The following CFAP54 variants were observed in gnomAD, a reference collection of about 807,000 sequenced individuals.
CFAP54 encodes cilia- and flagella-associated protein 54.
CFAP54 carries 290 observed loss-of-function variants against 370.4 expected under a neutral mutation model. The ratio of observed to expected loss-of-function variants is 0.78; its 90% CI spans 0.71 to 0.86. The LOEUF (loss-of-function observed/expected upper bound fraction) is 0.86. Among genes scored for constraint, CFAP54 ranks in the 40% least tolerant of loss-of-function variants. CFAP54 has a pLI of 0.00. For synonymous variants in CFAP54, 1,206 were observed against 1,236.5 expected (o/e 0.98, Z 0.52); for missense variants, 3,399 against 3,528.7 (o/e 0.96, Z 0.93).
intron 50 of CFAP54, among the ~76,000 whole-genome samples, chr12:96,734,755 A>G (rs918269603): frequency 6.6e-6 from 1 of 152,188 alleles, no homozygotes; most frequent in Non-Finnish European, 1.5e-5. Context: ...ATCTCTAGAA[A>G]TATGTATTTC....
chr12:96,671,333 A>G (rs540126253), intron 39 of CFAP54, among the ~76,000 whole-genome samples: 1 of 152,064 alleles, frequency 6.6e-6, no homozygotes, highest in African/African-American at 2.4e-5. Context: ...ACTCTGCCAT[A>G]TGTTTTCTTT....
Position 96,621,643 on chromosome 12 carries a change from G to A in CFAP54, c.3693G>A (p.Gly1231=), listed in dbSNP as rs1956490091. Residue 1231 remains glycine, a synonymous_variant, in exon 27 of 68, where the codon GGG becomes GGA. Transcript: ENST00000524981. ...YDLAVMIINY[G]KKMLDITPGC... ...TGGCAGTAATGATTATAAATTATGG[G>A]AAAAAAATGTTGGACATCACACCAG... 5 of 1,522,768 alleles carry A rather than the reference G, an allele frequency of 3.3e-6. No individual in the cohort carries two copies. Among genetic ancestry groups the A allele is most frequent in the Non-Finnish European group, 4.4e-6 (5 of 1,137,428 alleles). The allele number at this position is 1,522,768 out of a possible 1,614,324, so 94.3% of individuals were successfully genotyped here.
chr12:96,678,065 C>A (rs749222554), intron 39 of CFAP54, among the ~76,000 whole-genome samples: 1 of 152,130 alleles, frequency 6.6e-6, no homozygotes, highest in Non-Finnish European at 1.5e-5. Context: ...CTGGGGAAGG[C>A]ACTGGACTTG....
chr12:96,526,885 G>GTTTTTTTTTTTTTTTT (rs34080505), intron 8 of CFAP54, among the ~76,000 whole-genome samples: 1 of 97,688 alleles, frequency 1.0e-5, no homozygotes, highest in African/African-American at 4.0e-5. Context: ...CTTATAACAG[G>GTTTTTTTTTTTTTTTT]TTTTTTTTTT....
At chr12:96,747,674 C>A (rs1050879714) in intron 55 of CFAP54, among the ~76,000 whole-genome samples, 3 of 152,182 alleles carry the variant, frequency 2.0e-5, no homozygotes, top group African/African-American at 7.2e-5. Context: ...TCTAGAGGAT[C>A]CAGGCCTGAA....
chr12:96,824,133 C>T lies in CFAP54; in HGVS notation c.9097-4881C>T, dbSNP rs115272377. ...CATTCTGTGCCCTCCCAGCCCCTCG[C>T]TAGCTGCAGCATGCGTGCATCCAAC... On this transcript the variant is annotated intron_variant, in intron 65 of 67. Coordinates refer to ENST00000524981, the MANE Select transcript of CFAP54 (RefSeq NM_001306084.2). Among the ~76,000 whole-genome samples the T allele has an allele frequency of 8.0e-3, 1,214 of 152,266 alleles. 16 individuals are homozygous for T. Among genetic ancestry groups the T allele is most frequent in the African/African-American group, 0.028 (1,165 of 41,554 alleles).
At chr12:96,704,450 GTGTATATA>G (rs1565948084) in intron 46 of CFAP54, among the ~76,000 whole-genome samples, 1 of 41,452 alleles carries the variant, frequency 2.4e-5, no homozygotes, top group Non-Finnish European at 4.1e-5. Flanking sequence ...AAATGTATGT[GTGTATATA>G]TATATATATA....
At chr12:96,748,820 C>A (rs1958149632) in intron 55 of CFAP54, among the ~76,000 whole-genome samples, 1 of 152,166 alleles carries the variant, frequency 6.6e-6, no homozygotes, top group Non-Finnish European at 1.5e-5. Context: ...CAGCATATGT[C>A]TGGGTATATG....
intron 66 of CFAP54, among the ~76,000 whole-genome samples, chr12:96,845,744 A>G (rs1959325026): frequency 6.6e-6 from 1 of 152,208 alleles, no homozygotes; most frequent in Admixed American, 6.5e-5. Flanking sequence ...GCTAAGTTCC[A>G]TGTCAGAGTC....
At chr12:96,591,489 T>TAG (rs1211109542) in intron 23 of CFAP54, among the ~76,000 whole-genome samples, 5 of 151,254 alleles carry the variant, frequency 3.3e-5, no homozygotes, top group Admixed American at 6.6e-5. Flanking sequence ...AGGCAGCCAG[T>TAG]AGAGAGAGAG....
intron 66 of CFAP54, among the ~76,000 whole-genome samples, chr12:96,832,553 T>C (rs1420451636): frequency 6.6e-6 from 1 of 152,064 alleles, no homozygotes; most frequent in Non-Finnish European, 1.5e-5. Context: ...TAAAAATAAT[T>C]GTTTAGGAAA....
At chr12:96,677,379 C>T (rs1340509048) in intron 39 of CFAP54, among the ~76,000 whole-genome samples, 3 of 152,168 alleles carry the variant, frequency 2.0e-5, no homozygotes, top group African/African-American at 7.2e-5. Context: ...TTTCAACTGA[C>T]TGAGATATTT....
chr12:96,566,839 A>G (rs937490636), intron 19 of CFAP54, among the ~76,000 whole-genome samples: 1 of 152,342 alleles, frequency 6.6e-6, no homozygotes, highest in East Asian at 1.9e-4. Context: ...TATGCTGAGT[A>G]TAGAAGGGGG....
At chr12:96,791,429 T>G (rs540073385) in intron 62 of CFAP54, among the ~76,000 whole-genome samples, 1 of 152,276 alleles carries the variant, frequency 6.6e-6, no homozygotes, top group African/African-American at 2.4e-5. Context: ...ATTCTATACA[T>G]TTATATTTCT....
chr12:96,491,134 C>G (rs555689971), intron 1 of CFAP54, among the ~76,000 whole-genome samples: 2 of 152,004 alleles, frequency 1.3e-5, no homozygotes, highest in African/African-American at 4.8e-5. Flanking sequence ...TGCGCCTGGC[C>G]TGAGTGTTGC....
chr12:96,659,675 A>T (rs1340306927), intron 38 of CFAP54, among the ~76,000 whole-genome samples: 2 of 152,214 alleles, frequency 1.3e-5, no homozygotes, highest in East Asian at 1.9e-4. Context: ...GAGAAAAGAG[A>T]TAAGTACATT....
At chr12:96,579,478 G>T (rs377185907) in intron 20 of CFAP54, among the ~76,000 whole-genome samples, 4 of 152,260 alleles carry the variant, frequency 2.6e-5, no homozygotes, top group African/African-American at 9.6e-5. Context: ...GTGTCAATTG[G>T]ACATAGTTAG....
intron 45 of CFAP54, 60 bp from the exon 46 acceptor site, chr12:96,699,911 T>C (rs1304052681): frequency 5.1e-6 from 7 of 1,381,056 alleles, no homozygotes; most frequent in Non-Finnish European, 5.0e-6. Flanking sequence ...TCTATACTTT[T>C]GTTTTCTAAG....
Position 96,612,421 on chromosome 12 carries a change from C to A in CFAP54, c.3640-9169C>A, listed in dbSNP as rs560761949. Among the ~76,000 whole-genome samples, 3 of 152,290 alleles carry A rather than the reference C, an allele frequency of 2.0e-5. No individual in the cohort carries two copies. The South Asian group carries it at 6.2e-4, about 32-fold the overall frequency. On this transcript the variant is annotated intron_variant, in intron 26 of 67. Transcript: ENST00000524981. ...CATGGAAAGGAACAACCAGTACCAG[C>A]CACTGCAAAAACATGCCAAATTGTA...
Sources: allele counts gnomAD v4.1 joint callset (sites outside exome capture counted in the v4.1 genomes callset), GRCh38; gene constraint gnomAD v4.1.1; transcripts MANE v1.5; gene names NCBI Gene and HGNC (gene_info 2026-07-23, HGNC 2026-07-21).